The following AURKA variants were observed in gnomAD, a reference collection of about 807,000 sequenced individuals.
AURKA encodes the protein aurora kinase A.
A neutral mutation model predicts 40.9 loss-of-function variants in AURKA; 12 were observed. The observed-to-expected ratio is 0.29, with a 90% CI of 0.19 to 0.48. The LOEUF (loss-of-function observed/expected upper bound fraction) is 0.48. Ranked by LOEUF, AURKA falls within the 20% of genes least tolerant of loss-of-function variation. The probability of loss-of-function intolerance (pLI) is 0.99; values close to 1 mark genes in which losing one functional copy is unlikely to be tolerated. For synonymous variants in AURKA, 170 were observed against 164.3 expected (o/e 1.03, Z -0.26); for missense variants, 322 against 462.1 (o/e 0.70, Z 2.78).
intron 1 of AURKA, among the ~76,000 whole-genome samples, chr20:56,390,036 G>A (rs1268133353): frequency 6.6e-6 from 1 of 152,122 alleles, no homozygotes; most frequent in Non-Finnish European, 1.5e-5. Context: ...AATCAGATGT[G>A]TTGATCCTCA....
intron 1 of AURKA, among the ~76,000 whole-genome samples, chr20:56,390,181 C>T (rs868680516): frequency 2.0e-5 from 3 of 152,292 alleles, no homozygotes; most frequent in South Asian, 4.1e-4. Context: ...TCTTGTCAAC[C>T]GTGTACCAGC....
intron 6 of AURKA, among the ~76,000 whole-genome samples, chr20:56,375,560 T>C (rs1479249977): frequency 6.6e-6 from 1 of 152,208 alleles, no homozygotes; most frequent in Non-Finnish European, 1.5e-5. Flanking sequence ...GGATTGAACA[T>C]TATTTTACAT....
chr20:56,386,661 G>A lies in AURKA; in HGVS notation c.43-128C>T, dbSNP rs6092309. 7.5e-3 allele frequency: 8,018 copies of A among 1,075,078 alleles called. 421 individuals are homozygous for A. The African/African-American group carries it at 0.11, about 15-fold the overall frequency. The allele number at this position is 1,075,078 out of a possible 1,614,324, so 66.6% of individuals were successfully genotyped here. A position where few individuals can be genotyped will look rare whatever the true frequency, so the allele number is the denominator to read the frequency against. On this transcript the variant is annotated intron_variant, in intron 2 of 8. Transcript: ENST00000395915. Reference sequence around the variant, plus strand: ...ATGTCACTGATAAGAGATGGAAGGTGAAAAGGTATTTTAATCAGTACCTCC... The same window carrying A: ...ATGTCACTGATAAGAGATGGAAGGTAAAAAGGTATTTTAATCAGTACCTCC...
intron 7 of AURKA, 117 bp from the exon 8 acceptor site, chr20:56,370,776 C>A: frequency 9.1e-7 from 1 of 1,095,758 alleles, no homozygotes. Flanking sequence ...AGATCCTGTG[C>A]CCTAGGAAGT....
chr20:56,390,309 C>CTTTT (rs112721980), intron 1 of AURKA, among the ~76,000 whole-genome samples: 1 of 140,264 alleles, frequency 7.1e-6, no homozygotes, highest in African/African-American at 2.6e-5. Flanking sequence ...ACTGAGGTTT[C>CTTTT]TTTTTTTTTT....
At chr20:56,370,969 G>A (rs1257061131) in intron 7 of AURKA, among the ~76,000 whole-genome samples, 2 of 152,146 alleles carry the variant, frequency 1.3e-5, no homozygotes, top group African/African-American at 4.8e-5. Context: ...CTGTAAATAC[G>A]ATTTGGATTC....
intron 3 of AURKA, among the ~76,000 whole-genome samples, chr20:56,385,607 G>A (rs756536397): frequency 3.3e-5 from 5 of 152,014 alleles, no homozygotes; most frequent in Middle Eastern, 3.4e-3. Flanking sequence ...GATTACAGGC[G>A]TGCACCACCA....
chr20:56,387,336 T>C (rs1986492507), intron 2 of AURKA, among the ~76,000 whole-genome samples: 1 of 152,192 alleles, frequency 6.6e-6, no homozygotes, highest in Non-Finnish European at 1.5e-5. Context: ...GTATTTTTAG[T>C]AGAAACAGGG....
chr20:56,382,869 G>A lies in AURKA; in HGVS notation c.566+116C>T. ...TGAGGAACGGGGCCATGCATTTGAA[G>A]GCAGTGCCTCGTAAGAGGGAGTGAA... is the stretch of plus-strand genomic sequence containing the variant. On this transcript the variant is annotated intron_variant, in intron 5 of 8. Transcript: ENST00000395915. 3.6e-6 allele frequency: 4 copies of A among 1,099,764 alleles called. No homozygotes were observed. In the South Asian group the frequency reaches 5.1e-5, roughly 14 times the overall value. 68.1% of individuals were successfully genotyped at this position (1,099,764 alleles called of 1,614,324 possible).
chr20:56,370,476 GCGTCTTACC>G lies in AURKA; in HGVS notation c.1029_1029+8del, dbSNP rs1312417198. On this transcript the variant is annotated splice_donor_variant and splice_donor_5th_base_variant and coding_sequence_variant and intron_variant, in exon 8 of 9. Transcript: ENST00000395915. LOFTEE classifies it high-confidence loss of function. ...CAGATGTGCTGGGTCCTTTTCAGTT[GCGTCTTACC>G]CGTGATATTCTTTTGTAGGTCTCTT... The G allele has an allele frequency of 1.2e-6, 2 of 1,614,094 alleles. No individual in the cohort carries two copies. Among genetic ancestry groups the G allele is most frequent in the African/African-American group, 2.7e-5 (2 of 74,910 alleles).
chr20:56,391,977 A>G (rs1039907000), intron 1 of AURKA, 191 bp downstream of exon 1: 1 of 149,364 alleles, frequency 6.7e-6, no homozygotes, highest in Non-Finnish European at 1.5e-5. Flanking sequence ...AGTATCCTAC[A>G]GGGCGCCTCG....
At chr20:56,387,420 G>A (rs1381590343) in intron 2 of AURKA, among the ~76,000 whole-genome samples, 1 of 152,174 alleles carries the variant, frequency 6.6e-6, no homozygotes, top group East Asian at 1.9e-4. Flanking sequence ...CCAAAGTGCT[G>A]GGATTACAGG....
rs2146120595 is a variant in AURKA at position 56,370,270 on chromosome 20, T to C, written c.1100A>G (p.Asn367Ser). The C allele has an allele frequency of 6.2e-7, 1 of 1,614,174 alleles. No individual in the cohort carries two copies. The highest frequency in any genetic ancestry group is 8.5e-7 in the Non-Finnish European group (1 of 1,180,036). Residue 367 changes from asparagine (N) to serine (S), a missense_variant, in exon 9 of 9, where the codon AAT (asparagine) becomes AGT (serine). Coordinates refer to ENST00000395915, the MANE Select transcript of AURKA (RefSeq NM_198437.3). ...TCTGAGCATTGGCCTCTGGCTGGGA[T>C]TATGCTTCAACAGTCTTGAAATGAG... ...RDLISRLLKHNPSQRPMLREV... is the reference protein window; with the variant it reads ...RDLISRLLKHSPSQRPMLREV...
At position 56,381,562 on chromosome 20, in the gene AURKA, A is replaced by G; in HGVS notation, c.576T>C (p.Asn192=). The G allele has an allele frequency of 6.2e-7, 1 of 1,613,818 alleles. No individual in the cohort carries two copies. Among genetic ancestry groups the G allele is most frequent in the Non-Finnish European group, 8.5e-7 (1 of 1,179,894 alleles). ...VEIQSHLRHP[N]ILRLYGYFHD... ...GGAAATAACCATACAGTCTAAGAAT[A>G]TTAGGATGCCTGCAACAAAGGATAA... is the stretch of plus-strand genomic sequence containing the variant. The change falls in exon 6 of 9, where the codon AAT becomes AAC. Residue 192 remains asparagine (N), a synonymous_variant. Transcript: ENST00000395915.
chr20:56,378,982 C>T (rs567055784), intron 6 of AURKA, among the ~76,000 whole-genome samples: 3 of 151,628 alleles, frequency 2.0e-5, no homozygotes, highest in Non-Finnish European at 4.4e-5. Context: ...GTGTATTTGT[C>T]GAAATTCATA....
At chr20:56,390,116 T>C (rs111467987) in intron 1 of AURKA, among the ~76,000 whole-genome samples, 1,687 of 152,284 alleles carry the variant, frequency 0.011, 31 homozygotes, top group African/African-American at 0.039. Context: ...TAGACAGGCC[T>C]ATTGAAGTCT....
Position 56,369,446 on chromosome 20 carries a change from A to T in AURKA, c.*712T>A, listed in dbSNP as rs984523063. 4.2e-6 allele frequency: 1 copy of T among 235,344 alleles called. No individual in the cohort carries two copies. Among genetic ancestry groups the T allele is most frequent in the African/African-American group, 2.2e-5 (1 of 45,288 alleles). The allele number at this position is 235,344 out of a possible 1,614,324, so 14.6% of individuals were successfully genotyped here. On this transcript the variant is annotated 3_prime_UTR_variant, in exon 9 of 9. Transcript: ENST00000395915. ...AGTTTACACACATGCTATGACTCCA[A>T]TGTTTTAAAAAAATAAGCCCTTAAC...
Position 56,386,451 on chromosome 20 carries a change from C to T in AURKA, c.125G>A (p.Gly42Asp), listed in dbSNP as rs556861777. The T allele has an allele frequency of 1.9e-6, 3 of 1,614,044 alleles. No individual in the cohort carries two copies. The highest frequency in any genetic ancestry group is 2.5e-6 in the Non-Finnish European group (3 of 1,180,028). Residue 42 changes from glycine to aspartate, a missense_variant, in exon 3 of 9, where the codon GGC becomes GAC. By Grantham distance (94) the Gly-to-Asp change is moderately conservative. Coordinates refer to ENST00000395915, the MANE Select transcript of AURKA (RefSeq NM_198437.3). The part of the protein sequence containing the change: ...PCQNPLPVNS[G>D]QAQRVLCPSN... ...AGGACACAAGACCCGCTGAGCCTGG[C>T]CACTATTTACAGGTAATGGATTCTG...
chr20:56,392,177 A>C lies in AURKA; in HGVS notation c.-15T>G, dbSNP rs113866052. On this transcript the variant is annotated 5_prime_UTR_variant, in exon 1 of 9. Transcript: ENST00000395915. Reference sequence around the variant, plus strand: ...ACCCGTCGGCTCCCACCTGCGACCCAAGGACCCAAGTCTTCCAAGAGCTCA... The same window carrying C: ...ACCCGTCGGCTCCCACCTGCGACCCCAGGACCCAAGTCTTCCAAGAGCTCA... 2.0e-5 allele frequency: 3 copies of C among 152,350 alleles called. No homozygotes were observed. The highest frequency in any genetic ancestry group is 2.0e-4 in the Admixed American group (3 of 15,290). The allele number at this position is 152,350 out of a possible 1,614,324, so 9.4% of individuals were successfully genotyped here.
Sources: gnomAD v4.1 joint callset for allele counts (sites outside exome capture counted in the v4.1 genomes callset) on GRCh38, gnomAD v4.1.1 for gene constraint, MANE v1.5 for transcripts, NCBI Gene and HGNC (gene_info 2026-07-23, HGNC 2026-07-21) for gene names.